Variants in PAK5 observed in about 807,000 individuals in gnomAD.
PAK5 encodes serine/threonine-protein kinase PAK 5.
A neutral mutation model predicts 65.9 loss-of-function variants in PAK5; 16 were observed. That is an observed-to-expected ratio of 0.24 (90% confidence interval 0.16 to 0.37). PAK5 has a LOEUF of 0.37. Among genes scored for constraint, PAK5 ranks in the 10% least tolerant of loss-of-function variants. The pLI is 1.00. For missense variants in PAK5, 785 were observed against 903.9 expected (o/e 0.87, Z 1.69); for synonymous variants, 371 against 354.9 (o/e 1.05, Z -0.51).
intron 3 of PAK5, among the ~76,000 whole-genome samples, chr20:9,601,837 A>G (rs2078626867): frequency 6.6e-6 from 1 of 152,186 alleles, no homozygotes; most frequent in Non-Finnish European, 1.5e-5. Flanking sequence ...TCCAGAACAG[A>G]CCTGAACCCA....
chr20:9,690,029 C>G (rs112876799), intron 2 of PAK5, among the ~76,000 whole-genome samples: 1 of 152,216 alleles, frequency 6.6e-6, no homozygotes. Context: ...ACATACACCT[C>G]TCCATCCTCA....
At chr20:9,678,411 CA>C in intron 2 of PAK5, among the ~76,000 whole-genome samples, 1 of 152,098 alleles carries the variant, frequency 6.6e-6, no homozygotes, top group East Asian at 1.9e-4. Context: ...ACTAAAAATA[CA>C]AAAAATTAGC....
intron 1 of PAK5, among the ~76,000 whole-genome samples, chr20:9,770,520 G>A: frequency 6.6e-6 from 1 of 152,160 alleles, no homozygotes; most frequent in African/African-American, 2.4e-5. Context: ...GCACAATGGT[G>A]TGTTTCACTC....
intron 9 of PAK5, 38 bp downstream of exon 9, chr20:9,542,548 A>G (rs1213932156): frequency 3.1e-6 from 5 of 1,612,262 alleles, no homozygotes; most frequent in Non-Finnish European, 4.2e-6. Flanking sequence ...AAAATCCAAA[A>G]ACTATTCTGA....
intron 2 of PAK5, among the ~76,000 whole-genome samples, chr20:9,705,327 C>T (rs2047992558): frequency 6.6e-6 from 1 of 151,932 alleles, no homozygotes. Flanking sequence ...GAAAAGATGC[C>T]AAACCTCATT....
intron 3 of PAK5, among the ~76,000 whole-genome samples, chr20:9,611,758 A>G (rs945982286): frequency 1.3e-5 from 2 of 152,132 alleles, no homozygotes; most frequent in Non-Finnish European, 2.9e-5. Flanking sequence ...CCCTCCCTAT[A>G]TGGGAGTGTG....
chr20:9,781,563 C>T (rs150078443), intron 1 of PAK5, among the ~76,000 whole-genome samples: 106 of 152,262 alleles, frequency 7.0e-4, no homozygotes, highest in African/African-American at 2.4e-3. Flanking sequence ...TTGGAGCACT[C>T]GCCTGTCTAA....
chr20:9,604,670 G>A (rs114234307), intron 3 of PAK5, among the ~76,000 whole-genome samples: 1 of 152,154 alleles, frequency 6.6e-6, no homozygotes, highest in African/African-American at 2.4e-5. Flanking sequence ...CTCCTGCTTT[G>A]TGAGTCCCTC....
Position 9,631,292 on chromosome 20 carries a change from C to T in PAK5, c.204+12833G>A, listed in dbSNP as rs115669973. On this transcript the variant is annotated intron_variant, in intron 3 of 9. Coordinates refer to ENST00000353224, the MANE Select transcript of PAK5 (RefSeq NM_177990.4). ...AATAGAATATGGTAAAGGTAAGAGGCTGTCCCTTCTGTGTCGTTACATGTC... is the reference window on the plus strand; with the variant it reads ...AATAGAATATGGTAAAGGTAAGAGGTTGTCCCTTCTGTGTCGTTACATGTC... Among the ~76,000 whole-genome samples the T allele has an allele frequency of 2.6e-3, 396 of 152,276 alleles. 5 individuals carry two copies. The highest frequency in any genetic ancestry group is 9.0e-3 in the African/African-American group (375 of 41,562).
At chr20:9,656,340 G>A (rs1024349904) in intron 2 of PAK5, among the ~76,000 whole-genome samples, 2 of 151,988 alleles carry the variant, frequency 1.3e-5, no homozygotes, top group Non-Finnish European at 2.9e-5. Flanking sequence ...CTTCTAACAA[G>A]CAGACAGCAC....
At chr20:9,647,277 C>A (rs1435040002) in intron 2 of PAK5, among the ~76,000 whole-genome samples, 1 of 152,222 alleles carries the variant, frequency 6.6e-6, no homozygotes, top group East Asian at 1.9e-4. Flanking sequence ...TAGCTCTATA[C>A]ACCATCTCTC....
chr20:9,628,707 C>T (rs1481393118), intron 3 of PAK5, among the ~76,000 whole-genome samples: 1 of 152,174 alleles, frequency 6.6e-6, no homozygotes, highest in Non-Finnish European at 1.5e-5. Context: ...GCAGTTGCCA[C>T]CGGTGCTGTG....
intron 3 of PAK5, among the ~76,000 whole-genome samples, chr20:9,605,123 T>C (rs929538140): frequency 1.5e-4 from 23 of 152,332 alleles, no homozygotes; most frequent in Admixed American, 1.5e-3. Flanking sequence ...CAACTGGGCC[T>C]CTGTGCTGCA....
intron 2 of PAK5, among the ~76,000 whole-genome samples, chr20:9,649,866 CTAT>C (rs1478970123): frequency 6.6e-6 from 1 of 151,944 alleles, no homozygotes; most frequent in Non-Finnish European, 1.5e-5. Context: ...ATTGTAAGGA[CTAT>C]TATTATTTCT....
In PAK5 at chr20:9,739,836, G is replaced by C. The variant is rs138414286; in HGVS notation, c.-161-28401C>G. 1.9e-4 allele frequency among the ~76,000 whole-genome samples: 29 copies of C among 152,246 alleles called. No homozygotes were observed. In the East Asian group the frequency reaches 4.8e-3, roughly 25 times the overall value. Reference sequence around the variant, plus strand: ...AGATAGAAGCATATCTTCTCACCATGATTCTCAATTTGGAATCAGTTAAGA... The same window carrying C: ...AGATAGAAGCATATCTTCTCACCATCATTCTCAATTTGGAATCAGTTAAGA... On this transcript the variant is annotated intron_variant, in intron 1 of 9. Coordinates refer to ENST00000353224, the MANE Select transcript of PAK5 (RefSeq NM_177990.4).
At chr20:9,751,204 T>C (rs978190496) in intron 1 of PAK5, among the ~76,000 whole-genome samples, 6 of 152,180 alleles carry the variant, frequency 3.9e-5, no homozygotes, top group Non-Finnish European at 7.4e-5. Flanking sequence ...CTATGTCTTA[T>C]TCAAAATGTA....
intron 1 of PAK5, among the ~76,000 whole-genome samples, chr20:9,797,287 T>C (rs1482755766): frequency 1.3e-5 from 2 of 152,064 alleles, no homozygotes; most frequent in Non-Finnish European, 2.9e-5. Context: ...ATTGTGGATA[T>C]TAGCCCCTTG....
At chr20:9,750,899 G>C (rs2048568919) in intron 1 of PAK5, among the ~76,000 whole-genome samples, 1 of 152,108 alleles carries the variant, frequency 6.6e-6, no homozygotes, top group Non-Finnish European at 1.5e-5. Context: ...TTATAGTCTA[G>C]AGTAGGTTTA....
intron 2 of PAK5, among the ~76,000 whole-genome samples, chr20:9,667,781 G>A (rs943796447): frequency 2.0e-5 from 3 of 152,132 alleles, no homozygotes; most frequent in Non-Finnish European, 4.4e-5. Flanking sequence ...AGCCCATAAT[G>A]TATATATGCA....
Sources: gnomAD v4.1 joint callset for allele counts (sites outside exome capture counted in the v4.1 genomes callset) on GRCh38, gnomAD v4.1.1 for gene constraint, MANE v1.5 for transcripts, NCBI Gene and HGNC (gene_info 2026-07-23, HGNC 2026-07-21) for gene names.